Variants in TRRAP observed in about 807,000 individuals in gnomAD.
TRRAP encodes the protein transformation/transcription domain-associated protein.
A neutral mutation model predicts 438.8 loss-of-function variants in TRRAP; 41 were observed. That is an observed-to-expected ratio of 0.09 (90% confidence interval 0.07 to 0.12). TRRAP has a LOEUF of 0.12. Among genes scored for constraint, TRRAP ranks in the 10% least tolerant of loss-of-function variants. The probability of loss-of-function intolerance (pLI) is 1.00; values close to 1 mark genes in which losing one functional copy is unlikely to be tolerated. For synonymous variants in TRRAP, 1,994 were observed against 1,962.9 expected (o/e 1.02, Z -0.42); for missense variants, 3,122 against 5,055.1 (o/e 0.62, Z 11.60).
At position 98,931,485 on chromosome 7, in the gene TRRAP, G is replaced by A. The variant is rs376882502; in HGVS notation, c.3672G>A (p.Glu1224=). Residue 1224 remains glutamate, a synonymous_variant, in exon 26 of 73, where the codon GAG becomes GAA. Transcript: ENST00000456197. The stretch of plus-strand genomic sequence containing the variant: ...GGTGCGCAACGCCTTTAAAAGACGA[G>A]GAGAGAGCCGAAGAGATCGTGGCCG... The part of the protein sequence containing the change: ...LMRCATPLKD[E]ERAEEIVAAQ... The A allele has an allele frequency of 1.7e-5, 28 of 1,613,984 alleles. No homozygotes were observed. The highest frequency in any genetic ancestry group is 5.1e-6 in the Non-Finnish European group (6 of 1,179,986).
At chr7:98,906,582 A>G (rs1796745960) in intron 13 of TRRAP, among the ~76,000 whole-genome samples, 1 of 151,888 alleles carries the variant, frequency 6.6e-6, no homozygotes, top group Non-Finnish European at 1.5e-5. Context: ...ACAGGTGCCT[A>G]CCACCATGCC....
At chr7:98,896,425 T>C (rs1015594795) in intron 7 of TRRAP, among the ~76,000 whole-genome samples, 5 of 151,610 alleles carry the variant, frequency 3.3e-5, no homozygotes, top group Admixed American at 1.3e-4. Context: ...TGGCTGGGGG[T>C]GCGGGGGTAC....
chr7:98,882,819 C>T (rs1023259298), intron 3 of TRRAP, among the ~76,000 whole-genome samples: 2 of 142,638 alleles, frequency 1.4e-5, no homozygotes, highest in South Asian at 2.3e-4. Context: ...GCACCACACC[C>T]GGCTGATTTT....
At position 98,956,614 on chromosome 7, in the gene TRRAP, C is replaced by G. The variant is rs149888220; in HGVS notation, c.6231+81C>G. On this transcript the variant is annotated intron_variant, in intron 43 of 72. Transcript: ENST00000456197. The surrounding 1 kb of genome is among the most constrained non-coding windows in gnomAD (Gnocchi z 4.5). The stretch of plus-strand genomic sequence containing the variant: ...TTATTCCCTATATTTAGAATGTGAG[C>G]TCGGTGCTCAGCTGCATTCAGGAGA... 2.7e-5 allele frequency: 41 copies of G among 1,538,982 alleles called. No homozygotes were observed. In the East Asian group the frequency reaches 7.7e-4, roughly 29 times the overall value.
intron 62 of TRRAP, among the ~76,000 whole-genome samples, chr7:98,986,164 A>G (rs956860965): frequency 7.0e-6 from 1 of 143,872 alleles, no homozygotes; most frequent in Non-Finnish European, 1.5e-5. Context: ...TTGGATATCC[A>G]TACATTTTGT....
Position 98,937,161 on chromosome 7 carries a change from C to A in TRRAP, c.4117C>A (p.Leu1373Ile), listed in dbSNP as rs1790593825. The change falls in exon 29 of 73, where the codon CTT (leucine) becomes ATT (isoleucine). Residue 1373 changes from leucine to isoleucine, a missense_variant. Physicochemically the swap from Leu to Ile is conservative, Grantham distance 5. Coordinates refer to ENST00000456197, the MANE Select transcript of TRRAP (RefSeq NM_001375524.1). The part of the protein sequence containing the change: ...VPLRIAALNA[L>I]AACNYLPQSR... ...CTTGATTTCTCTCCCTGAAGATGCA[C>A]TTGCTGCCTGCAATTACCTTCCTCA... 4.4e-6 allele frequency: 7 copies of A among 1,607,552 alleles called. No homozygotes were observed. The highest frequency in any genetic ancestry group is 5.9e-6 in the Non-Finnish European group (7 of 1,177,754).
rs115704263 is a variant in TRRAP at position 98,957,600 on chromosome 7, T to C, written c.6232-381T>C. On this transcript the variant is annotated intron_variant, in intron 43 of 72. Coordinates refer to ENST00000456197, the MANE Select transcript of TRRAP (RefSeq NM_001375524.1). ...AGCCATGCGGGCCATCCCTCTGCTC[T>C]CAATGCACCCCTGGTTCTGGCCCTG... 6.7e-3 allele frequency among the ~76,000 whole-genome samples: 1,019 copies of C among 152,232 alleles called. 16 individuals carry two copies. Among genetic ancestry groups the C allele is most frequent in the African/African-American group, 0.023 (951 of 41,558 alleles).
At chr7:98,961,564 G>A (rs1056057146) in intron 46 of TRRAP, 90 bp downstream of exon 46, 7 of 1,465,198 alleles carry the variant, frequency 4.8e-6, no homozygotes, top group Middle Eastern at 2.4e-4. Flanking sequence ...CAGTTATTGT[G>A]TCGAGCGCTT....
At chr7:98,922,014 A>G (rs967961471) in intron 21 of TRRAP, 61 bp downstream of exon 21, 20 of 1,603,704 alleles carry the variant, frequency 1.2e-5, no homozygotes, top group Non-Finnish European at 1.6e-5. Flanking sequence ...GTTTCAGTCT[A>G]TGTGAAATGT....
rs374000099 is a variant in TRRAP, at chr7:98,964,795, G to A, written c.6976+20G>A. 3.1e-6 allele frequency: 5 copies of A among 1,605,470 alleles called. No individual in the cohort carries two copies. In the South Asian group the frequency reaches 5.6e-5, roughly 18 times the overall value. ...CCTCAGGTGATGTGCTGGCCACCGGGGGCCTTTCCTCAGACTCTGTTGAAC... is the reference window on the plus strand; with the variant it reads ...CCTCAGGTGATGTGCTGGCCACCGGAGGCCTTTCCTCAGACTCTGTTGAAC... On this transcript the variant is annotated intron_variant, in intron 48 of 72. Transcript: ENST00000456197.
At chr7:98,892,402 T>C in intron 4 of TRRAP, 22 bp from the exon 5 acceptor site, 1 of 1,577,504 alleles carries the variant, frequency 6.3e-7, no homozygotes, top group Non-Finnish European at 8.7e-7. Context: ...TATCCTTACA[T>C]TTATTTATTT....
At chr7:99,001,880 T>C (rs1160080278) in intron 67 of TRRAP, among the ~76,000 whole-genome samples, 2 of 152,174 alleles carry the variant, frequency 1.3e-5, no homozygotes, top group African/African-American at 4.8e-5. Context: ...ACTTTATTTA[T>C]AATAGCTCAA....
chr7:98,896,112 C>G (rs1333124464), intron 7 of TRRAP, among the ~76,000 whole-genome samples: 1 of 152,058 alleles, frequency 6.6e-6, no homozygotes, highest in Non-Finnish European at 1.5e-5. Flanking sequence ...GGTAAGCAAC[C>G]ATTGACATGG....
At chr7:98,933,817 A>G (rs1027430904) in intron 27 of TRRAP, among the ~76,000 whole-genome samples, 1 of 152,218 alleles carries the variant, frequency 6.6e-6, no homozygotes, top group Admixed American at 6.5e-5. Flanking sequence ...CAAGTGCCCT[A>G]AGTTCTGACA....
In TRRAP at chr7:99,004,115, C is replaced by T. The variant is rs981972863; in HGVS notation, c.10310-75C>T. 1.5e-5 allele frequency: 20 copies of T among 1,353,074 alleles called. No homozygotes were observed. In the African/African-American group the frequency reaches 2.6e-4, roughly 18 times the overall value. The allele number at this position is 1,353,074 out of a possible 1,614,324, so 83.8% of individuals were successfully genotyped here. On this transcript the variant is annotated intron_variant, in intron 67 of 72. Transcript: ENST00000456197. Reference sequence around the variant, plus strand: ...ACATGTAATTCGTAGCTGGTAGGGGCTTGAGCGTTTTTTGCAGTGTGTTAG... The same window carrying T: ...ACATGTAATTCGTAGCTGGTAGGGGTTTGAGCGTTTTTTGCAGTGTGTTAG...
chr7:98,969,746 T>C, intron 51 of TRRAP, among the ~76,000 whole-genome samples: 1 of 4,768 alleles, frequency 2.1e-4, no homozygotes, highest in South Asian at 9.3e-3. Context: ...AAGCTATGGG[T>C]GGGTGGGCCG....
chr7:98,945,655 A>G, intron 31 of TRRAP, 92 bp from the exon 32 acceptor site: 1 of 1,442,294 alleles, frequency 6.9e-7, no homozygotes, highest in Non-Finnish European at 9.4e-7. Context: ...TGTCTTGTTA[A>G]CCCCAATAAC....
Position 99,008,391 on chromosome 7 carries a change from G to T in TRRAP, c.10768G>T (p.Ala3590Ser). ...HLFFTVPRVV[A>S]VSPQMRLVED... ...TCTCTCCCCAGTGCCCCGGGTTGTG[G>T]CAGTTTCCCCACAGATGCGCCTCGT... Residue 3590 changes from alanine to serine, a missense_variant, in exon 70 of 73, where the codon GCA becomes TCA. This residue lies in a region of TRRAP where 95 missense variants were observed against 144.1 expected (regional missense o/e 0.66). Coordinates refer to ENST00000456197, the MANE Select transcript of TRRAP (RefSeq NM_001375524.1). The T allele has an allele frequency of 6.2e-7, 1 of 1,614,142 alleles. No homozygotes were observed. Among genetic ancestry groups the T allele is most frequent in the South Asian group, 1.1e-5 (1 of 91,088 alleles).
rs782724574 is a variant in TRRAP, at chr7:98,950,303, G to A, written c.5334+41G>A. On this transcript the variant is annotated intron_variant, in intron 38 of 72. Coordinates refer to ENST00000456197, the MANE Select transcript of TRRAP (RefSeq NM_001375524.1). ...ATGCTGTAGAAGGGTATGGGTATTT[G>A]GTCTGGTTTTCTAGGGAACTTTGGG... 5.6e-6 allele frequency: 9 copies of A among 1,600,918 alleles called. No homozygotes were observed. In the East Asian group the frequency reaches 1.8e-4, roughly 32 times the overall value.
Sources: allele counts gnomAD v4.1 joint callset (sites outside exome capture counted in the v4.1 genomes callset), GRCh38; gene constraint gnomAD v4.1.1; regional missense constraint gnomAD v4.1.1; non-coding constraint Gnocchi (gnomAD v3.1); transcripts MANE v1.5; gene names NCBI Gene and HGNC (gene_info 2026-07-23, HGNC 2026-07-21).